FUNDC1: variants seen among roughly 807,000 people sequenced by gnomAD.
FUNDC1 encodes the protein FUN14 domain containing 1.
FUNDC1 carries 10 observed loss-of-function variants against 14.5 expected under a neutral mutation model. That is an observed-to-expected ratio of 0.69 (90% CI 0.43 to 1.17). The LOEUF is 1.17. Among genes scored for constraint, FUNDC1 ranks in the 50% most tolerant of loss-of-function variants. The pLI, the probability that FUNDC1 is intolerant of heterozygous loss-of-function variation, is 0.00. For synonymous variants in FUNDC1, 33 were observed against 39.7 expected (o/e 0.83, Z 0.64); for missense variants, 115 against 113.8 (o/e 1.01, Z -0.05).
chrX:44,527,353 T>C lies in FUNDC1; in HGVS notation c.274A>G (p.Ser92Gly). 1.7e-6 allele frequency: 2 copies of C among 1,183,026 alleles called. No individual in the cohort carries two copies. Among genetic ancestry groups the C allele is most frequent in the South Asian group, 3.8e-5 (2 of 52,018 alleles). The change falls in exon 4 of 5, where the codon AGT becomes GGT. Residue 92 changes from serine to glycine, a missense_variant. Physicochemically the swap from Ser to Gly is moderately conservative, Grantham distance 56. Transcript: ENST00000378045. ...TTCCAGTCAATCTGCACATAGCCAC[T>C]ATGACTAGCAATCTGCAAAAAATAT... ...GFLLLQIASH[S>G]GYVQIDWKRV...
intron 4 of FUNDC1, among the ~76,000 whole-genome samples, chrX:44,526,307 G>C (rs1343852595): frequency 3.6e-5 from 4 of 109,691 alleles, no homozygotes; most frequent in African/African-American, 1.3e-4. Flanking sequence ...GCGCGTGCCT[G>C]TAATTCCAGC....
intron 3 of FUNDC1, among the ~76,000 whole-genome samples, chrX:44,531,177 A>G (rs1272490527): frequency 1.9e-5 from 2 of 107,130 alleles, no homozygotes; most frequent in African/African-American, 3.4e-5. Context: ...CAGGAGTTCA[A>G]GGCTGCAGTG....
At chrX:44,538,694 T>TAGAAG in intron 2 of FUNDC1, 152 bp from the exon 3 acceptor site, 1 of 430,347 alleles carries the variant, frequency 2.3e-6, no homozygotes. Context: ...CAGAAACCCC[T>TAGAAG]CAGTTATACA....
At position 44,524,169 on chromosome X, in the gene FUNDC1, G is replaced by A. The variant is rs770934107; in HGVS notation, c.*29C>T. On this transcript the variant is annotated 3_prime_UTR_variant, in exon 5 of 5. Coordinates refer to ENST00000378045, the MANE Select transcript of FUNDC1 (RefSeq NM_173794.4). ...TGCTGCCACTTCTCTTCTCATAGTT[G>A]AATCCGTTATGGGAGAATATTCATG... 1.9e-6 allele frequency: 2 copies of A among 1,064,845 alleles called. No individual in the cohort carries two copies. Among genetic ancestry groups the A allele is most frequent in the East Asian group, 3.0e-5 (1 of 33,015 alleles). 87.8% of individuals were successfully genotyped at this position (1,064,845 alleles called of 1,213,427 possible).
chrX:44,535,439 G>A (rs1366833229), intron 3 of FUNDC1, among the ~76,000 whole-genome samples: 3 of 109,254 alleles, frequency 2.7e-5, no homozygotes, highest in African/African-American at 1.0e-4. Context: ...AGGCCGAGGC[G>A]GGCAGATCAT....
At chrX:44,529,975 TGAGAA>T (rs756934626) in intron 3 of FUNDC1, among the ~76,000 whole-genome samples, 7 of 112,294 alleles carry the variant, frequency 6.2e-5, no homozygotes, top group African/African-American at 1.9e-4. Flanking sequence ...GGCACCCAGC[TGAGAA>T]GTACACTTCT....
chrX:44,536,320 A>G (rs769133165), intron 3 of FUNDC1, among the ~76,000 whole-genome samples: 1 of 72,674 alleles, frequency 1.4e-5, no homozygotes, highest in Non-Finnish European at 2.8e-5. Context: ...CTCTGTCTCG[A>G]AAAAAAAAAA....
At chrX:44,533,529 G>A (rs1471572127) in intron 3 of FUNDC1, among the ~76,000 whole-genome samples, 3 of 105,054 alleles carry the variant, frequency 2.9e-5, no homozygotes, top group Admixed American at 2.1e-4. Flanking sequence ...TCGGGAGGCT[G>A]AGGCAGGAGA....
intron 1 of FUNDC1, among the ~76,000 whole-genome samples, chrX:44,542,512 C>T (rs1393980891): frequency 2.9e-5 from 3 of 105,081 alleles, no homozygotes; most frequent in Non-Finnish European, 5.7e-5. Flanking sequence ...CACTTGAGTC[C>T]AGACGTTTAA....
chrX:44,536,206 C>A (rs2147475726), intron 3 of FUNDC1, among the ~76,000 whole-genome samples: 1 of 107,269 alleles, frequency 9.3e-6, no homozygotes, highest in South Asian at 4.1e-4. Context: ...ATAATCCCAG[C>A]TACTTGGGAG....
chrX:44,531,247 A>AACACACACACACAC (rs759868973), intron 3 of FUNDC1, among the ~76,000 whole-genome samples: 1 of 50,422 alleles, frequency 2.0e-5, no homozygotes, highest in Non-Finnish European at 3.1e-5. Context: ...TTTCCAGAAA[A>AACACACACACACAC]ACACACACAC....
Position 44,527,448 on chromosome X carries a change from G to C in FUNDC1, c.262-83C>G. 5.7e-6 allele frequency: 4 copies of C among 707,402 alleles called. 1 individual carries two copies. In the South Asian group the frequency reaches 1.2e-4, roughly 20 times the overall value. 58.3% of individuals were successfully genotyped at this position (707,402 alleles called of 1,213,427 possible). On this transcript the variant is annotated intron_variant, in intron 3 of 4. Coordinates refer to ENST00000378045, the MANE Select transcript of FUNDC1 (RefSeq NM_173794.4). The stretch of plus-strand genomic sequence containing the variant: ...TAGCCAAGAATATATAAACACTTAA[G>C]AGTTCTAGTAACCTATAAAACTTAT...
chrX:44,539,883 T>A (rs2038963806), intron 2 of FUNDC1, among the ~76,000 whole-genome samples: 1 of 110,641 alleles, frequency 9.0e-6, no homozygotes. Flanking sequence ...GCCAGGCTAG[T>A]CTTGAACTCC....
At chrX:44,532,108 T>C (rs982661281) in intron 3 of FUNDC1, among the ~76,000 whole-genome samples, 2 of 110,601 alleles carry the variant, frequency 1.8e-5, no homozygotes, top group Non-Finnish European at 3.8e-5. Flanking sequence ...AAGAGTACAG[T>C]ATGAGGCCCG....
chrX:44,539,080 A>G (rs1414423123), intron 2 of FUNDC1, among the ~76,000 whole-genome samples: 1 of 111,070 alleles, frequency 9.0e-6, no homozygotes, highest in East Asian at 2.8e-4. Flanking sequence ...CTGTTGTTCC[A>G]CTCAATAACT....
rs1373376266 is a variant in FUNDC1, at chrX:44,531,319, C to A, written c.262-3954G>T. ...GATGAAGATTCATGTTGGCCAGACA[C>A]ACACACACACACACACACACACACA... is the stretch of plus-strand genomic sequence containing the variant. On this transcript the variant is annotated intron_variant, in intron 3 of 4. Coordinates refer to ENST00000378045, the MANE Select transcript of FUNDC1 (RefSeq NM_173794.4). 9.9e-4 allele frequency among the ~76,000 whole-genome samples: 34 copies of A among 34,517 alleles called. 1 individual carries two copies. Among genetic ancestry groups the A allele is most frequent in the Admixed American group, 4.8e-3 (10 of 2,097 alleles). 30.0% of individuals were successfully genotyped at this position (34,517 alleles called of 115,157 possible).
At chrX:44,538,589 C>A in intron 2 of FUNDC1, 47 bp from the exon 3 acceptor site, 1 of 906,549 alleles carries the variant, frequency 1.1e-6, no homozygotes, top group Non-Finnish European at 1.6e-6. Context: ...ATGTACTAAA[C>A]CCTCTCCCTC....
chrX:44,529,965 G>A lies in FUNDC1; in HGVS notation c.262-2600C>T, dbSNP rs141534767. Among the ~76,000 whole-genome samples the A allele has an allele frequency of 4.1e-3, 460 of 112,106 alleles. 4 individuals carry two copies. Among genetic ancestry groups the A allele is most frequent in the African/African-American group, 0.013 (417 of 30,935 alleles). On this transcript the variant is annotated intron_variant, in intron 3 of 4. Coordinates refer to ENST00000378045, the MANE Select transcript of FUNDC1 (RefSeq NM_173794.4). ...AAGTGCTGGGATTACAGTGAGCCAC[G>A]GCACCCAGCTGAGAAGTACACTTCT...
intron 3 of FUNDC1, among the ~76,000 whole-genome samples, chrX:44,533,627 C>CAAAAAAAAAAAAAA (rs1156843539): frequency 3.8e-4 from 7 of 18,648 alleles, no homozygotes; most frequent in Non-Finnish European, 6.3e-4. Flanking sequence ...GACTCCGTCT[C>CAAAAAAAAAAAAAA]AAAAAAAAAA....
Sources: allele counts gnomAD v4.1 joint callset (sites outside exome capture counted in the v4.1 genomes callset), GRCh38; gene constraint gnomAD v4.1.1; transcripts MANE v1.5; gene names NCBI Gene and HGNC (gene_info 2026-07-23, HGNC 2026-07-21).